GALNT13: variants seen among roughly 807,000 people sequenced by gnomAD.
GALNT13 encodes UDP-GalNAc:polypeptide N-acetylgalactosaminyltransferase 13.
GALNT13 carries 28 observed loss-of-function variants against 64.2 expected under a neutral mutation model. That is an observed-to-expected ratio of 0.44 (90% confidence interval 0.32 to 0.60). GALNT13 has a LOEUF of 0.60. Ranked by LOEUF, GALNT13 falls within the 20% of genes least tolerant of loss-of-function variation. GALNT13 has a pLI of 0.05. For synonymous variants in GALNT13, 214 were observed against 224.6 expected, an observed-to-expected ratio of 0.95 and a Z score of 0.42; for missense variants, 577 against 669.8, an observed-to-expected ratio of 0.86 and a Z score of 1.53.
chr2:153,854,221 A>G, the GALNT13 span, among the ~76,000 whole-genome samples: 2 of 151,890 alleles, frequency 1.3e-5, no homozygotes, highest in Non-Finnish European at 2.9e-5. Context: ...TCATATATAG[A>G]AAGCAAATCT....
chr2:154,242,931 C>T (rs1689576642), intron 6 of GALNT13, 26 bp downstream of exon 6: 8 of 1,583,178 alleles, frequency 5.1e-6, no homozygotes, highest in South Asian at 1.1e-5. Context: ...TTCTGTCTGC[C>T]TGGGTTATGA....
At chr2:153,298,365 C>A in the GALNT13 span, among the ~76,000 whole-genome samples, 1 of 152,086 alleles carries the variant, frequency 6.6e-6, no homozygotes, top group Non-Finnish European at 1.5e-5. Context: ...TCACATGACA[C>A]CTCCTGCTCA....
At chr2:153,261,450 T>C in the GALNT13 span, among the ~76,000 whole-genome samples, 1 of 152,140 alleles carries the variant, frequency 6.6e-6, no homozygotes, top group African/African-American at 2.4e-5. Context: ...ACTTTTAGAG[T>C]ACCAAGGGTA....
intron 4 of GALNT13, among the ~76,000 whole-genome samples, chr2:154,194,859 ATT>A (rs5835502): frequency 1.4e-4 from 20 of 142,488 alleles, no homozygotes; most frequent in Admixed American, 3.5e-4. Flanking sequence ...CTAGAGCTGT[ATT>A]TTTTTTTTTT....
chr2:153,950,351 T>A (rs1355567127), intron 3 of GALNT13, among the ~76,000 whole-genome samples: 1 of 151,952 alleles, frequency 6.6e-6, no homozygotes, highest in Non-Finnish European at 1.5e-5. Flanking sequence ...AGCAAATAAA[T>A]TTGTGAAGAA....
At chr2:153,516,906 C>T in the GALNT13 span, among the ~76,000 whole-genome samples, 1 of 152,028 alleles carries the variant, frequency 6.6e-6, no homozygotes. Context: ...ATCCTCCCCA[C>T]AAATAACTTA....
the GALNT13 span, among the ~76,000 whole-genome samples, chr2:153,251,272 T>C: frequency 6.6e-6 from 1 of 152,222 alleles, no homozygotes; most frequent in African/African-American, 2.4e-5. Context: ...ATGTTAACAG[T>C]AATAATTGTA....
chr2:153,307,931 T>G, the GALNT13 span, among the ~76,000 whole-genome samples: 1 of 152,138 alleles, frequency 6.6e-6, no homozygotes, highest in Non-Finnish European at 1.5e-5. Flanking sequence ...TAGTGCATAT[T>G]TCATGCAAGA....
the GALNT13 span, among the ~76,000 whole-genome samples, chr2:153,757,188 C>A: frequency 3.3e-5 from 5 of 152,102 alleles, no homozygotes; most frequent in African/African-American, 7.2e-5. Flanking sequence ...TACCCTCCCC[C>A]ACAGTCGCTG....
chr2:154,274,861 TGTGGGAAA>T (rs1691553183), intron 8 of GALNT13, among the ~76,000 whole-genome samples: 2 of 151,944 alleles, frequency 1.3e-5, no homozygotes, highest in African/African-American at 4.8e-5. Flanking sequence ...GACAGGAAGA[TGTGGGAAA>T]GTTTGGAAGT....
At chr2:154,307,481 T>C (rs1434771935) in intron 9 of GALNT13, among the ~76,000 whole-genome samples, 3 of 152,236 alleles carry the variant, frequency 2.0e-5, no homozygotes, top group Non-Finnish European at 4.4e-5. Context: ...CTATATATCC[T>C]AACAGTCTTG....
chr2:154,440,142 G>A (rs372063948), intron 12 of GALNT13, among the ~76,000 whole-genome samples: 1 of 152,086 alleles, frequency 6.6e-6, no homozygotes, highest in East Asian at 1.9e-4. Context: ...TGTTCTTCTT[G>A]TTGTTACTGT....
At chr2:154,120,232 T>C (rs559377187) in intron 3 of GALNT13, among the ~76,000 whole-genome samples, 2 of 152,118 alleles carry the variant, frequency 1.3e-5, no homozygotes, top group Non-Finnish European at 2.9e-5. Flanking sequence ...GTGGAGCTTC[T>C]GGTTGGGCTC....
At chr2:153,353,952 T>A in the GALNT13 span, among the ~76,000 whole-genome samples, 2 of 152,182 alleles carry the variant, frequency 1.3e-5, no homozygotes, top group Admixed American at 1.3e-4. Context: ...TTATAATTTC[T>A]GGAAAATGTA....
the GALNT13 span, among the ~76,000 whole-genome samples, chr2:153,270,572 C>T: frequency 6.2e-4 from 94 of 152,238 alleles, no homozygotes; most frequent in African/African-American, 2.2e-3. Context: ...TAAAAACATA[C>T]ATTTGTGGCC....
At chr2:154,031,615 C>G (rs1698343916) in intron 3 of GALNT13, among the ~76,000 whole-genome samples, 1 of 151,800 alleles carries the variant, frequency 6.6e-6, no homozygotes, top group South Asian at 2.1e-4. Flanking sequence ...ATATTAATAT[C>G]ATTAGACTTT....
At chr2:153,171,023 G>T in the GALNT13 span, among the ~76,000 whole-genome samples, 2 of 152,192 alleles carry the variant, frequency 1.3e-5, no homozygotes, top group African/African-American at 4.8e-5. Context: ...TGTCTACTCA[G>T]TAACAGTAAC....
the GALNT13 span, among the ~76,000 whole-genome samples, chr2:153,789,825 AACCTAGAAG>A: frequency 3.3e-5 from 5 of 152,148 alleles, no homozygotes; most frequent in African/African-American, 1.2e-4. Flanking sequence ...CAAACTAGAA[AACCTAGAAG>A]ACATGGATAA....
intron 3 of GALNT13, among the ~76,000 whole-genome samples, chr2:154,072,942 G>A (rs1278791343): frequency 6.6e-6 from 1 of 151,966 alleles, no homozygotes; most frequent in Non-Finnish European, 1.5e-5. Flanking sequence ...TATTAATGTG[G>A]CCTATGTCAG....
Sources: allele counts gnomAD v4.1 joint callset (sites outside exome capture counted in the v4.1 genomes callset), GRCh38; gene constraint gnomAD v4.1.1; transcripts MANE v1.5; gene names NCBI Gene and HGNC (gene_info 2026-07-23, HGNC 2026-07-21).